The following DLGAP1 variants were observed in gnomAD, a reference collection of about 807,000 sequenced individuals.
DLGAP1 encodes the protein DLG associated protein 1, also known as disks large-associated protein 1.
In DLGAP1, 11 loss-of-function variants were observed where a neutral mutation model predicts 90.8. That is an observed-to-expected ratio of 0.12 (90% confidence interval 0.08 to 0.20). DLGAP1 has a LOEUF of 0.20. Among genes scored for constraint, DLGAP1 ranks in the 10% least tolerant of loss-of-function variants. The pLI, the probability that DLGAP1 is intolerant of heterozygous loss-of-function variation, is 1.00. For missense variants in DLGAP1, 1,050 were observed against 1,333.8 expected (o/e 0.79, Z 3.31); for synonymous variants, 558 against 540.7 (o/e 1.03, Z -0.44).
chr18:3,800,322 T>A (rs1023517824), intron 5 of DLGAP1, among the ~76,000 whole-genome samples: 2 of 152,256 alleles, frequency 1.3e-5, no homozygotes, highest in Non-Finnish European at 2.9e-5. Flanking sequence ...TGATATGTTA[T>A]GAATATCTCT....
intron 3 of DLGAP1, among the ~76,000 whole-genome samples, chr18:3,958,254 G>A (rs2148978177): frequency 6.6e-6 from 1 of 151,784 alleles, no homozygotes; most frequent in Non-Finnish European, 1.5e-5. Flanking sequence ...GGAAGCAGGG[G>A]TTATGTATGC....
intron 5 of DLGAP1, among the ~76,000 whole-genome samples, chr18:3,784,931 C>T (rs1309026771): frequency 6.6e-6 from 1 of 152,142 alleles, no homozygotes; most frequent in African/African-American, 2.4e-5. Context: ...CTCCCTGTAT[C>T]ATACAACCAC....
rs1277840918 is a variant in DLGAP1 at position 3,517,765 on chromosome 18, C to T, written c.2480-9104G>A. On this transcript the variant is annotated intron_variant, in intron 10 of 12. Transcript: ENST00000315677. The surrounding 1 kb of genome is among the most constrained non-coding windows in gnomAD (Gnocchi z 4.1). ...CCGGGAGGCAGAGGTTGCAGTGAGC[C>T]GAGATCGTGCCATTGCACTCCAGCC... 2.0e-5 allele frequency among the ~76,000 whole-genome samples: 3 copies of T among 150,540 alleles called. No homozygotes were observed. The highest frequency in any genetic ancestry group is 2.9e-5 in the Non-Finnish European group (2 of 67,894).
intron 2 of DLGAP1, among the ~76,000 whole-genome samples, chr18:4,091,276 C>T (rs2075769961): frequency 6.6e-6 from 1 of 152,084 alleles, no homozygotes; most frequent in South Asian, 2.1e-4. Context: ...ATAAAATTCT[C>T]ATCTTTATTC....
At position 4,378,963 on chromosome 18, in the gene DLGAP1, T is replaced by C. The variant is rs1742743571; in HGVS notation, c.-267+76043A>G. Reference sequence around the variant, plus strand: ...GAGAGAGTGAGTCCCTGCTTATCCATGTTCACAGCATGTGATCTCCTGTGC... The same window carrying C: ...GAGAGAGTGAGTCCCTGCTTATCCACGTTCACAGCATGTGATCTCCTGTGC... On this transcript the variant is annotated intron_variant, in intron 1 of 12. Coordinates refer to ENST00000315677, the MANE Select transcript of DLGAP1 (RefSeq NM_004746.4). The surrounding 1 kb of genome is among the most constrained non-coding windows in gnomAD (Gnocchi z 4.5). 6.6e-6 allele frequency among the ~76,000 whole-genome samples: 1 copy of C among 152,156 alleles called. No homozygotes were observed. The highest frequency in any genetic ancestry group is 2.1e-4 in the South Asian group (1 of 4,838).
chr18:3,825,575 A>G (rs957649037), intron 4 of DLGAP1, among the ~76,000 whole-genome samples: 3 of 151,956 alleles, frequency 2.0e-5, no homozygotes, highest in African/African-American at 7.3e-5. Flanking sequence ...AATTTTGTGG[A>G]TTTTTTTTCC....
intron 5 of DLGAP1, among the ~76,000 whole-genome samples, chr18:3,811,280 A>C (rs1489723053): frequency 1.3e-5 from 2 of 152,216 alleles, no homozygotes; most frequent in African/African-American, 4.8e-5. Flanking sequence ...ACAGGGAAGG[A>C]AGATATGTTT....
At chr18:3,797,603 T>C (rs1291301374) in intron 5 of DLGAP1, among the ~76,000 whole-genome samples, 2 of 152,224 alleles carry the variant, frequency 1.3e-5, no homozygotes, top group Admixed American at 1.3e-4. Flanking sequence ...AGCTTTGTAC[T>C]GTTAAAGGCT....
chr18:3,836,724 C>A (rs147765669), intron 4 of DLGAP1, among the ~76,000 whole-genome samples: 92 of 152,338 alleles, frequency 6.0e-4, no homozygotes, highest in African/African-American at 2.1e-3. Context: ...ATTTTTCCAT[C>A]TCCCCTCAGA....
intron 2 of DLGAP1, among the ~76,000 whole-genome samples, chr18:4,055,981 G>A (rs529590899): frequency 6.6e-6 from 1 of 152,276 alleles, no homozygotes; most frequent in South Asian, 2.1e-4. Flanking sequence ...CACAGAGGAG[G>A]TGTATACTTT....
At chr18:3,566,530 C>T (rs1480633373) in intron 9 of DLGAP1, among the ~76,000 whole-genome samples, 1 of 151,986 alleles carries the variant, frequency 6.6e-6, no homozygotes, top group Non-Finnish European at 1.5e-5. Context: ...TTTCCATAAA[C>T]TGATAAATTC....
At chr18:3,556,009 G>A (rs886487081) in intron 9 of DLGAP1, among the ~76,000 whole-genome samples, 1 of 151,968 alleles carries the variant, frequency 6.6e-6, no homozygotes, top group Non-Finnish European at 1.5e-5. Flanking sequence ...TAGGAAACAC[G>A]CAGAGCATTG....
At position 3,667,312 on chromosome 18, in the gene DLGAP1, C is replaced by T. The variant is rs1022034373; in HGVS notation, c.1591+61823G>A. Among the ~76,000 whole-genome samples the T allele has an allele frequency of 2.0e-5, 3 of 152,122 alleles. No homozygotes were observed. The East Asian group carries it at 5.8e-4, about 29-fold the overall frequency. ...CAGGCTGGTCTCAAACTCCTGACCT[C>T]GAACGATCCACCTGCCTCGGCCTCA... On this transcript the variant is annotated intron_variant, in intron 7 of 12. Coordinates refer to ENST00000315677, the MANE Select transcript of DLGAP1 (RefSeq NM_004746.4).
chr18:3,517,402 C>A lies in DLGAP1; in HGVS notation c.2480-8741G>T, dbSNP rs1396334312. Among the ~76,000 whole-genome samples, 3 of 152,228 alleles carry A rather than the reference C, an allele frequency of 2.0e-5. No homozygotes were observed. The East Asian group carries it at 5.8e-4, about 29-fold the overall frequency. On this transcript the variant is annotated intron_variant, in intron 10 of 12. Transcript: ENST00000315677. This position sits in a 1 kb window ranked among gnomAD's most constrained non-coding sequence, Gnocchi z 4.1. ...ACTTACTGCAGCTTCTCCATCATCACTAGGAATTCACCTTGCATTATATTA... is the reference window on the plus strand; with the variant it reads ...ACTTACTGCAGCTTCTCCATCATCAATAGGAATTCACCTTGCATTATATTA...
intron 1 of DLGAP1, among the ~76,000 whole-genome samples, chr18:4,287,614 G>A (rs1230700605): frequency 1.3e-5 from 2 of 152,108 alleles, no homozygotes; most frequent in Non-Finnish European, 2.9e-5. Context: ...AACACCACAT[G>A]TTCTCACTCA....
At chr18:3,893,331 C>A (rs559156533) in intron 3 of DLGAP1, among the ~76,000 whole-genome samples, 2 of 152,106 alleles carry the variant, frequency 1.3e-5, no homozygotes, top group East Asian at 3.9e-4. Flanking sequence ...AATTCCAGCG[C>A]TTTGGGAGGC....
chr18:4,033,958 C>T lies in DLGAP1; in HGVS notation c.-158-28757G>A, dbSNP rs187895562. Reference sequence around the variant, plus strand: ...TTCACTGTGTTAGCCAGGATGGTCTCCATCTCCGGACCTCGTGATCTGCCC... The same window carrying T: ...TTCACTGTGTTAGCCAGGATGGTCTTCATCTCCGGACCTCGTGATCTGCCC... On this transcript the variant is annotated intron_variant, in intron 2 of 12. Coordinates refer to ENST00000315677, the MANE Select transcript of DLGAP1 (RefSeq NM_004746.4). Among the ~76,000 whole-genome samples the T allele has an allele frequency of 5.5e-3, 827 of 151,608 alleles. 5 individuals carry two copies. Among genetic ancestry groups the T allele is most frequent in the Non-Finnish European group, 8.6e-3 (587 of 67,928 alleles).
intron 1 of DLGAP1, among the ~76,000 whole-genome samples, chr18:4,204,517 TTG>T (rs1441305275): frequency 1.1e-4 from 16 of 151,160 alleles, no homozygotes; most frequent in Admixed American, 7.9e-4. Context: ...GGTTTTTTTT[TTG>T]TTTTTGTTTT....
chr18:4,116,539 C>T (rs1022933606), intron 2 of DLGAP1, among the ~76,000 whole-genome samples: 2 of 151,868 alleles, frequency 1.3e-5, no homozygotes. Context: ...TTTATTTTTC[C>T]TCATTCTTTT....
Sources: allele counts gnomAD v4.1 joint callset (sites outside exome capture counted in the v4.1 genomes callset), GRCh38; gene constraint gnomAD v4.1.1; non-coding constraint Gnocchi (gnomAD v3.1); transcripts MANE v1.5; gene names NCBI Gene and HGNC (gene_info 2026-07-23, HGNC 2026-07-21).